UGT3A2: variants seen among roughly 807,000 people sequenced by gnomAD.
UGT3A2 encodes UDP-glycosyltransferase 3A2.
UGT3A2 carries 32 observed loss-of-function variants against 39.8 expected under a neutral mutation model. The ratio of observed to expected loss-of-function variants is 0.80; its 90% CI spans 0.61 to 1.08. The LOEUF (loss-of-function observed/expected upper bound fraction) is 1.08, where lower values mean the gene tolerates loss of function less well. Ranked by LOEUF, UGT3A2 falls within the 50% of genes least tolerant of loss-of-function variation. The probability of loss-of-function intolerance (pLI) is 0.00; values close to 1 mark genes in which losing one functional copy is unlikely to be tolerated. For missense variants in UGT3A2, 611 were observed against 637.1 expected, an observed-to-expected ratio of 0.96 and a Z score of 0.44; for synonymous variants, 241 against 230.7, an observed-to-expected ratio of 1.04 and a Z score of -0.40.
chr5:36,055,673 C>A (rs1742488744), intron 2 of UGT3A2, among the ~76,000 whole-genome samples: 2 of 152,164 alleles, frequency 1.3e-5, no homozygotes, highest in South Asian at 4.1e-4. Flanking sequence ...AATATCCCCT[C>A]AATTATTTTA....
Position 36,051,869 on chromosome 5 carries a change from C to T in UGT3A2, c.311+1G>A. 6.3e-7 allele frequency: 1 copy of T among 1,578,480 alleles called. No homozygotes were observed. The highest frequency in any genetic ancestry group is 8.6e-7 in the Non-Finnish European group (1 of 1,168,916). On this transcript the variant is annotated splice_donor_variant, in intron 3 of 6. Transcript: ENST00000282507. LOFTEE classifies it high-confidence loss of function. ...TGTTCAAAGAATAAAAAAACAATTA[C>T]CTGCCACCTAAAGTTTCTTCCAGAA...
chr5:36,061,703 A>G (rs570362981), intron 2 of UGT3A2, among the ~76,000 whole-genome samples: 8,379 of 147,346 alleles, frequency 0.057, 858 homozygotes, highest in African/African-American at 0.22. Flanking sequence ...ATAAACATAC[A>G]TGTGCATGTG....
In UGT3A2 at chr5:36,036,127, T is replaced by C. The variant is rs1741820946; in HGVS notation, c.1296-153A>G. ...CCTGGTTCCCCTTGAAATTTAATCA[T>C]GACACCTACAAGCAAAGATCCATGT... On this transcript the variant is annotated intron_variant, in intron 6 of 6. Transcript: ENST00000282507. Among the ~76,000 whole-genome samples the C allele has an allele frequency of 2.6e-5, 4 of 152,224 alleles. No homozygotes were observed. The South Asian group carries it at 8.3e-4, about 32-fold the overall frequency.
At chr5:36,056,154 AC>A (rs1217136753) in intron 2 of UGT3A2, among the ~76,000 whole-genome samples, 3 of 152,168 alleles carry the variant, frequency 2.0e-5, no homozygotes, top group African/African-American at 7.2e-5. Context: ...CCTTGGGCTG[AC>A]CCTGTTTTCC....
chr5:36,038,363 CTG>C (rs974723475), intron 5 of UGT3A2, among the ~76,000 whole-genome samples: 1 of 152,192 alleles, frequency 6.6e-6, no homozygotes, highest in African/African-American at 2.4e-5. Context: ...CATCTGTATT[CTG>C]TGTGTCTCTC....
intron 2 of UGT3A2, among the ~76,000 whole-genome samples, chr5:36,053,353 A>G (rs56031003): frequency 0.096 from 14,559 of 152,266 alleles, 819 homozygotes; most frequent in South Asian, 0.17. Flanking sequence ...TGTGCCCATA[A>G]TGTTACAAGC....
chr5:36,058,001 C>T (rs80136722), intron 2 of UGT3A2, among the ~76,000 whole-genome samples: 10,159 of 152,004 alleles, frequency 0.067, 1,213 homozygotes, highest in African/African-American at 0.23. Context: ...TAGGCAGATA[C>T]GAAGGCAGTG....
Position 36,049,192 on chromosome 5 carries a change from G to C in UGT3A2, c.540C>G (p.Pro180=), listed in dbSNP as rs755079091. The change falls in exon 4 of 7, where the codon CCC becomes CCG. Residue 180 remains proline (P), a synonymous_variant. Transcript: ENST00000282507. The part of the protein sequence containing the change: ...FGSLEFGLPI[P]LSYVPVFRSL... ...AACGGAATACTGGAACATAAGACAA[G>C]GGGATTGGTAGCCCAAATTCCAAAG... 6.2e-7 allele frequency: 1 copy of C among 1,614,138 alleles called. No homozygotes were observed. Among genetic ancestry groups the C allele is most frequent in the Non-Finnish European group, 8.5e-7 (1 of 1,180,042 alleles).
In UGT3A2 at chr5:36,055,528, G is replaced by A. The variant is rs539465495; in HGVS notation, c.197-3544C>T. 5.3e-5 allele frequency among the ~76,000 whole-genome samples: 8 copies of A among 152,146 alleles called. No homozygotes were observed. In the South Asian group the frequency reaches 1.5e-3, roughly 28 times the overall value. On this transcript the variant is annotated intron_variant, in intron 2 of 6. Coordinates refer to ENST00000282507, the MANE Select transcript of UGT3A2 (RefSeq NM_174914.4). Reference sequence around the variant, plus strand: ...ATTACAGGTGTGAGCCACTGTGCCCGGCCTAGGATCCACTGACTTTTAGAA... The same window carrying A: ...ATTACAGGTGTGAGCCACTGTGCCCAGCCTAGGATCCACTGACTTTTAGAA...
At chr5:36,050,897 T>G (rs1194874711) in intron 3 of UGT3A2, among the ~76,000 whole-genome samples, 1 of 151,972 alleles carries the variant, frequency 6.6e-6, no homozygotes, top group African/African-American at 2.4e-5. Flanking sequence ...GTAAGAATGT[T>G]TAGACTGTAG....
At position 36,049,298 on chromosome 5, in the gene UGT3A2, T is replaced by C; in HGVS notation, c.434A>G (p.Glu145Gly). The C allele has an allele frequency of 6.2e-7, 1 of 1,614,178 alleles. No homozygotes were observed. The highest frequency in any genetic ancestry group is 1.1e-5 in the South Asian group (1 of 91,082). The change falls in exon 4 of 7, where the codon GAA (glutamate) becomes GGA (glycine). Residue 145 changes from glutamate to glycine, a missense_variant. Glu to Gly is a moderately conservative substitution (Grantham distance 98). Coordinates refer to ENST00000282507, the MANE Select transcript of UGT3A2 (RefSeq NM_174914.4). ...CAGGAAAGGACAGTAGTCAAAAGTT[T>C]CAACTATCACCATGTCGAAGTTCTC... ...KNENFDMVIV[E>G]TFDYCPFLIA...
chr5:36,048,955 T>G lies in UGT3A2; in HGVS notation c.777A>C (p.Arg259=), dbSNP rs763967578. 2 of 1,613,968 alleles carry G rather than the reference T, an allele frequency of 1.2e-6. No homozygotes were observed. Among genetic ancestry groups the G allele is most frequent in the Non-Finnish European group, 1.7e-6 (2 of 1,180,030 alleles). The part of the protein sequence containing the change: ...INSDFAFDFA[R]PLLPNTVYVG... ...CATAAACAGTGTTGGGAAGCAGAGG[T>G]CGAGCAAAATCAAAGGCAAAGTCAG... is the stretch of plus-strand genomic sequence containing the variant. The change falls in exon 4 of 7, where the codon CGA becomes CGC. Residue 259 remains arginine, a synonymous_variant. Transcript: ENST00000282507.
chr5:36,059,837 T>C (rs1292746187), intron 2 of UGT3A2, among the ~76,000 whole-genome samples: 2 of 152,170 alleles, frequency 1.3e-5, no homozygotes. Flanking sequence ...GTAGATTTAC[T>C]AAGGTGGGGA....
chr5:36,037,913 G>T lies in UGT3A2; in HGVS notation c.1179C>A (p.Asp393Glu), dbSNP rs775333917. 5.6e-6 allele frequency: 9 copies of T among 1,614,148 alleles called. No homozygotes were observed. The highest frequency in any genetic ancestry group is 7.6e-6 in the Non-Finnish European group (9 of 1,180,028). The part of the protein sequence containing the change: ...VPMVGIPLFG[D>E]QPENMVRVEA... ...CTACTCGGACCATGTTTTCAGGCTG[G>T]TCTCCAAAGAGAGGGATCCCCACCA... is the stretch of plus-strand genomic sequence containing the variant. The change falls in exon 6 of 7, where the codon GAC becomes GAA. Residue 393 changes from aspartate (D) to glutamate (E), a missense_variant. Transcript: ENST00000282507.
rs529107143 is a variant in UGT3A2, at chr5:36,036,208, C to A, written c.1296-234G>T. ...GTGACTAAGTCCACAAAGACTAGTC[C>A]CTACTCCAAGGAGGCTTATGATGTG... is the stretch of plus-strand genomic sequence containing the variant. On this transcript the variant is annotated intron_variant, in intron 6 of 6. Coordinates refer to ENST00000282507, the MANE Select transcript of UGT3A2 (RefSeq NM_174914.4). 6.6e-5 allele frequency among the ~76,000 whole-genome samples: 10 copies of A among 152,166 alleles called. No homozygotes were observed. The South Asian group carries it at 1.9e-3, about 28-fold the overall frequency.
chr5:36,064,753 T>C (rs1742826744), intron 1 of UGT3A2, among the ~76,000 whole-genome samples: 1 of 152,208 alleles, frequency 6.6e-6, no homozygotes. Context: ...TGAGTGTGAA[T>C]AGTTCCTAAA....
intron 2 of UGT3A2, among the ~76,000 whole-genome samples, chr5:36,053,038 T>C (rs1742398754): frequency 6.6e-6 from 1 of 152,220 alleles, no homozygotes; most frequent in Admixed American, 6.5e-5. Context: ...AATGCATGGC[T>C]ACTCATAGTA....
chr5:36,037,864 T>A lies in UGT3A2; in HGVS notation c.1228A>T (p.Ile410Phe), dbSNP rs1353528069. The A allele has an allele frequency of 6.2e-7, 1 of 1,613,982 alleles. No individual in the cohort carries two copies. The highest frequency in any genetic ancestry group is 1.1e-5 in the South Asian group (1 of 91,028). Residue 410 changes from isoleucine (I) to phenylalanine (F), a missense_variant, in exon 6 of 7, where the codon ATT becomes TTT. Ile to Phe is a conservative substitution (Grantham distance 21, BLOSUM62 0). Transcript: ENST00000282507. Reference protein sequence around the residue: ...RVEAKKFGVSIQLKKLKAETL... With the variant: ...RVEAKKFGVSFQLKKLKAETL... ...TCTGCCTTGAGCTTCTTTAACTGAATAGAAACACCAAACTTTTTGGCTTCT... is the reference window on the plus strand; with the variant it reads ...TCTGCCTTGAGCTTCTTTAACTGAAAAGAAACACCAAACTTTTTGGCTTCT...
chr5:36,036,283 C>A (rs1580993381), intron 6 of UGT3A2, among the ~76,000 whole-genome samples: 1 of 152,118 alleles, frequency 6.6e-6, no homozygotes, highest in South Asian at 2.1e-4. Flanking sequence ...ACATGGAGCA[C>A]CTCCATGTGC....
Sources: allele counts gnomAD v4.1 joint callset (sites outside exome capture counted in the v4.1 genomes callset), GRCh38; gene constraint gnomAD v4.1.1; transcripts MANE v1.5; gene names NCBI Gene and HGNC (gene_info 2026-07-23, HGNC 2026-07-21).